The following LRRTM4 variants were observed in gnomAD, a reference collection of about 807,000 sequenced individuals.
The protein encoded by LRRTM4 is leucine-rich repeat transmembrane neuronal protein 4.
LRRTM4 carries 25 observed loss-of-function variants against 47.6 expected under a neutral mutation model. That is an observed-to-expected ratio of 0.53 (90% CI 0.38 to 0.73). The LOEUF (loss-of-function observed/expected upper bound fraction) is 0.73, where lower values mean the gene tolerates loss of function less well. Ranked by LOEUF, LRRTM4 falls within the 30% of genes least tolerant of loss-of-function variation. The probability of loss-of-function intolerance (pLI) is 0.00; values close to 1 mark genes in which losing one functional copy is unlikely to be tolerated. For missense variants in LRRTM4, 638 were observed against 713.4 expected (o/e 0.89, Z 1.20); for synonymous variants, 311 against 269.5 (o/e 1.15, Z -1.51).
intron 3 of LRRTM4, among the ~76,000 whole-genome samples, chr2:76,842,036 G>T (rs1434118726): frequency 1.3e-5 from 2 of 152,074 alleles, no homozygotes; most frequent in African/African-American, 4.8e-5. Context: ...ATTATTTCTG[G>T]GTGTGTCTAT....
At chr2:77,474,150 T>A in intron 3 of LRRTM4, among the ~76,000 whole-genome samples, 1 of 151,090 alleles carries the variant, frequency 6.6e-6, no homozygotes, top group African/African-American at 2.4e-5. Context: ...AAAAAAGAAA[T>A]CAAAAGAAAA....
chr2:76,987,565 A>T (rs1676847069), intron 3 of LRRTM4: 1 of 151,940 alleles, frequency 6.6e-6, no homozygotes, highest in African/African-American at 2.4e-5. Context: ...GCTTACAATA[A>T]TCTAAGTAAT....
intron 3 of LRRTM4, among the ~76,000 whole-genome samples, chr2:77,499,486 G>A (rs1678490873): frequency 6.6e-6 from 1 of 151,854 alleles, no homozygotes; most frequent in African/African-American, 2.4e-5. Flanking sequence ...ATTAAGGCAT[G>A]ATAGGAATAA....
intron 3 of LRRTM4, among the ~76,000 whole-genome samples, chr2:76,851,066 G>A (rs912547507): frequency 2.0e-5 from 3 of 152,202 alleles, no homozygotes; most frequent in African/African-American, 7.2e-5. Flanking sequence ...TAAGGGCCCA[G>A]TTTTGCTAAC....
At chr2:77,116,446 A>T (rs1229998863) in intron 3 of LRRTM4, among the ~76,000 whole-genome samples, 1 of 152,146 alleles carries the variant, frequency 6.6e-6, no homozygotes, top group Non-Finnish European at 1.5e-5. Context: ...ATATATAATT[A>T]CTGCAGTAAT....
intron 3 of LRRTM4, among the ~76,000 whole-genome samples, chr2:77,234,267 C>G (rs1338197863): frequency 6.6e-6 from 1 of 151,972 alleles, no homozygotes; most frequent in East Asian, 1.9e-4. Flanking sequence ...TTGTGCAGAC[C>G]ATTCAAATGA....
At position 76,932,567 on chromosome 2, in the gene LRRTM4, C is replaced by A. The variant is rs149470661; in HGVS notation, c.1552-183651G>T. On this transcript the variant is annotated intron_variant, in intron 3 of 3. Transcript: ENST00000409884. ...TATCAAGTTTGGAATTTGGTCTCTT[C>A]TGTACTCTGAACCTATGTTTCATTC... Among the ~76,000 whole-genome samples the A allele has an allele frequency of 2.2e-3, 328 of 152,112 alleles. 2 individuals are homozygous for A. The highest frequency in any genetic ancestry group is 7.2e-3 in the African/African-American group (298 of 41,530).
intron 3 of LRRTM4, among the ~76,000 whole-genome samples, chr2:76,897,300 G>C (rs1322637060): frequency 6.6e-6 from 1 of 151,998 alleles, no homozygotes; most frequent in Non-Finnish European, 1.5e-5. Context: ...AAGAAATATG[G>C]TCATATACAC....
chr2:76,792,027 G>A (rs181737691), intron 3 of LRRTM4, among the ~76,000 whole-genome samples: 3 of 152,026 alleles, frequency 2.0e-5, no homozygotes, highest in Admixed American at 2.0e-4. Context: ...TTCCATTTCA[G>A]AAAGAAAGTC....
intron 3 of LRRTM4, among the ~76,000 whole-genome samples, chr2:77,508,638 T>C (rs1172923530): frequency 6.6e-6 from 1 of 152,110 alleles, no homozygotes; most frequent in Admixed American, 6.6e-5. Context: ...ATGAGAAATA[T>C]TCCATTGAAA....
At chr2:77,206,765 T>G (rs1674138399) in intron 3 of LRRTM4, among the ~76,000 whole-genome samples, 1 of 152,126 alleles carries the variant, frequency 6.6e-6, no homozygotes, top group Admixed American at 6.6e-5. Flanking sequence ...ACTACAGGTG[T>G]GAGCCACTGT....
At chr2:77,515,952 G>C (rs1004040557) in intron 3 of LRRTM4, among the ~76,000 whole-genome samples, 2 of 151,720 alleles carry the variant, frequency 1.3e-5, no homozygotes, top group African/African-American at 2.4e-5. Context: ...TCAAAAAATG[G>C]GGTGACCCCT....
chr2:76,800,908 A>C (rs1675637128), intron 3 of LRRTM4, among the ~76,000 whole-genome samples: 3 of 151,444 alleles, frequency 2.0e-5, no homozygotes, highest in African/African-American at 7.3e-5. Flanking sequence ...ATGAGATACC[A>C]TCAATGCTCA....
At chr2:77,487,556 A>C (rs886915702) in intron 3 of LRRTM4, among the ~76,000 whole-genome samples, 19 of 152,244 alleles carry the variant, frequency 1.2e-4, no homozygotes, top group African/African-American at 4.6e-4. Flanking sequence ...GCTCCTCGGC[A>C]TGAAGAGCCT....
intron 3 of LRRTM4, among the ~76,000 whole-genome samples, chr2:77,055,621 A>T (rs1298023076): frequency 1.3e-5 from 2 of 152,180 alleles, no homozygotes; most frequent in Non-Finnish European, 2.9e-5. Flanking sequence ...CCATTGTGGA[A>T]GTCAGTGTGG....
At chr2:77,041,958 C>T (rs981700951) in intron 3 of LRRTM4, among the ~76,000 whole-genome samples, 1 of 150,946 alleles carries the variant, frequency 6.6e-6, no homozygotes, top group Admixed American at 6.6e-5. Flanking sequence ...TTTCTTTATG[C>T]TCATATTGAG....
intron 3 of LRRTM4, among the ~76,000 whole-genome samples, chr2:77,232,787 T>G (rs1013796424): frequency 3.9e-5 from 6 of 152,218 alleles, no homozygotes; most frequent in Admixed American, 6.5e-5. Flanking sequence ...AGAAAAAAAT[T>G]AAAATGTCCT....
intron 3 of LRRTM4, among the ~76,000 whole-genome samples, chr2:76,894,845 C>T (rs977371383): frequency 6.6e-6 from 1 of 151,284 alleles, no homozygotes; most frequent in African/African-American, 2.4e-5. Context: ...TGTTGCAATA[C>T]ATATATACAC....
intron 3 of LRRTM4, among the ~76,000 whole-genome samples, chr2:77,370,068 A>C (rs977832933): frequency 1.3e-5 from 2 of 151,800 alleles, no homozygotes; most frequent in African/African-American, 4.8e-5. Flanking sequence ...GCCAGTGTGC[A>C]TAATGCAGGG....
Sources: allele counts gnomAD v4.1 joint callset (sites outside exome capture counted in the v4.1 genomes callset), GRCh38; gene constraint gnomAD v4.1.1; transcripts MANE v1.5; gene names NCBI Gene and HGNC (gene_info 2026-07-23, HGNC 2026-07-21).